CMSS1: variants seen among roughly 807,000 people sequenced by gnomAD.
The protein encoded by CMSS1 is protein CMSS1.
CMSS1 carries 33 observed loss-of-function variants against 43.5 expected under a neutral mutation model. The observed-to-expected ratio is 0.76, with a 90% CI of 0.57 to 1.01. The LOEUF (loss-of-function observed/expected upper bound fraction) is 1.01. Ranked by LOEUF, CMSS1 falls within the 50% of genes least tolerant of loss-of-function variation. The pLI is 0.00. For missense variants in CMSS1, 313 were observed against 326.4 expected (o/e 0.96, Z 0.32); for synonymous variants, 115 against 117.2 (o/e 0.98, Z 0.12).
At chr3:100,005,897 C>G (rs576210287) in intron 1 of CMSS1, among the ~76,000 whole-genome samples, 29 of 152,146 alleles carry the variant, frequency 1.9e-4, no homozygotes, top group Admixed American at 1.0e-3. Flanking sequence ...TGCTTGCTAC[C>G]CACCATCTCT....
At chr3:100,111,066 C>T (rs913037832) in intron 1 of CMSS1, among the ~76,000 whole-genome samples, 6 of 152,026 alleles carry the variant, frequency 3.9e-5, no homozygotes, top group African/African-American at 1.2e-4. Context: ...CAGCCCAGTT[C>T]GCCATATTCT....
chr3:99,988,339 TCCAAA>T (rs1300195757), intron 1 of CMSS1, among the ~76,000 whole-genome samples: 2 of 28,350 alleles, frequency 7.1e-5, no homozygotes, highest in South Asian at 9.1e-4. Context: ...CTACTAAAAA[TCCAAA>T]AAAAAAAAAA....
chr3:99,984,525 C>T (rs1432000545), intron 1 of CMSS1, among the ~76,000 whole-genome samples: 2 of 152,124 alleles, frequency 1.3e-5, no homozygotes, highest in East Asian at 3.9e-4. Flanking sequence ...GGTCAGTGGT[C>T]CTCTAGCCCC....
At chr3:100,044,490 C>G (rs1036193570) in intron 1 of CMSS1, among the ~76,000 whole-genome samples, 1 of 152,082 alleles carries the variant, frequency 6.6e-6, no homozygotes, top group Non-Finnish European at 1.5e-5. Context: ...GGCTAAAGGA[C>G]AGCTTGCTCC....
chr3:99,951,065 G>T (rs1708162804), intron 1 of CMSS1, among the ~76,000 whole-genome samples: 1 of 152,158 alleles, frequency 6.6e-6, no homozygotes, highest in Admixed American at 6.5e-5. Context: ...CACCTAACGT[G>T]CTGGCCTTGA....
intron 1 of CMSS1, among the ~76,000 whole-genome samples, chr3:99,838,288 A>G (rs1182007072): frequency 6.6e-6 from 1 of 152,176 alleles, no homozygotes; most frequent in Non-Finnish European, 1.5e-5. Context: ...GGCTTCTCAC[A>G]TTCATTATCT....
intron 1 of CMSS1, among the ~76,000 whole-genome samples, chr3:100,080,464 A>G (rs888863187): frequency 2.0e-5 from 3 of 152,154 alleles, no homozygotes; most frequent in Admixed American, 1.3e-4. Context: ...ACCCTAGACA[A>G]TTTCAATTTT....
chr3:100,099,309 G>A (rs1015720159), intron 1 of CMSS1, among the ~76,000 whole-genome samples: 4 of 152,128 alleles, frequency 2.6e-5, no homozygotes, highest in African/African-American at 9.7e-5. Flanking sequence ...TCTCATTTCA[G>A]TACACCCTTT....
Position 100,167,799 on chromosome 3 carries a change from G to T in CMSS1, c.477G>T (p.Leu159=). 1 of 1,613,268 alleles carries T rather than the reference G, an allele frequency of 6.2e-7. No individual in the cohort carries two copies. Among genetic ancestry groups the T allele is most frequent in the South Asian group, 1.1e-5 (1 of 90,934 alleles). Residue 159 remains leucine, a synonymous_variant, in exon 6 of 10, where the codon CTG becomes CTT. Coordinates refer to ENST00000421999, the MANE Select transcript of CMSS1 (RefSeq NM_032359.4). ...GTGAGAAGAAATCGGTCCTGATGCT[G>T]ATCATCTGCAGCTCGGCCGTCCGAG... ...NHSEKKSVLM[L]IICSSAVRAL... is the part of the protein sequence containing the mutation.
At chr3:100,104,973 A>T (rs1254077503) in intron 1 of CMSS1, among the ~76,000 whole-genome samples, 4 of 152,130 alleles carry the variant, frequency 2.6e-5, no homozygotes, top group Non-Finnish European at 5.9e-5. Context: ...TCTTTCTGTA[A>T]AAGTATCTGC....
At chr3:100,111,660 T>G in intron 1 of CMSS1, among the ~76,000 whole-genome samples, 1 of 152,164 alleles carries the variant, frequency 6.6e-6, no homozygotes. Context: ...TACTGTCAGA[T>G]TTGAACCCTA....
At chr3:99,819,741 CAACA>C (rs1019066913) in intron 1 of CMSS1, among the ~76,000 whole-genome samples, 7 of 151,388 alleles carry the variant, frequency 4.6e-5, no homozygotes, top group African/African-American at 1.7e-4. Context: ...TTTTACCAAC[CAACA>C]GTTTTTTTTT....
At position 100,003,289 on chromosome 3, in the gene CMSS1, C is replaced by T. The variant is rs543478625; in HGVS notation, c.65-143684C>T. Among the ~76,000 whole-genome samples, 7 of 152,234 alleles carry T rather than the reference C, an allele frequency of 4.6e-5. No homozygotes were observed. In the East Asian group the frequency reaches 1.3e-3, roughly 29 times the overall value. ...AAGTTACACATTGACTCAGTCAAAC[C>T]AGCTTGATTTCTGTCTCAGTGTAGT... On this transcript the variant is annotated intron_variant, in intron 1 of 9. Coordinates refer to ENST00000421999, the MANE Select transcript of CMSS1 (RefSeq NM_032359.4).
At chr3:100,008,519 T>C (rs1710053170) in intron 1 of CMSS1, among the ~76,000 whole-genome samples, 1 of 152,214 alleles carries the variant, frequency 6.6e-6, no homozygotes, top group Non-Finnish European at 1.5e-5. Flanking sequence ...GAGGAAGTGC[T>C]GGTGATGTCA....
intron 1 of CMSS1, among the ~76,000 whole-genome samples, chr3:100,101,293 T>G (rs1321509093): frequency 6.6e-6 from 1 of 152,142 alleles, no homozygotes; most frequent in Non-Finnish European, 1.5e-5. Context: ...CCACTGCCTA[T>G]GAGGAGAGGG....
At chr3:100,075,072 A>G (rs193027822) in intron 1 of CMSS1, among the ~76,000 whole-genome samples, 26 of 151,776 alleles carry the variant, frequency 1.7e-4, no homozygotes, top group African/African-American at 5.3e-4. Flanking sequence ...TTTTTTTAGG[A>G]TATATTTTAT....
At chr3:100,153,368 G>A (rs898128863) in intron 2 of CMSS1, among the ~76,000 whole-genome samples, 2 of 152,214 alleles carry the variant, frequency 1.3e-5, no homozygotes, top group Non-Finnish European at 2.9e-5. Flanking sequence ...CCATGTCAGT[G>A]TATAGTATTT....
chr3:100,107,877 T>TA (rs11322494), intron 1 of CMSS1, among the ~76,000 whole-genome samples: 5,107 of 130,022 alleles, frequency 0.039, 128 homozygotes, highest in East Asian at 0.14. Flanking sequence ...GCAAGAGAAT[T>TA]AAAAAAAAAA....
intron 2 of CMSS1, among the ~76,000 whole-genome samples, chr3:100,149,128 T>C (rs1390465865): frequency 6.6e-6 from 1 of 152,232 alleles, no homozygotes; most frequent in African/African-American, 2.4e-5. Context: ...CTTGATTTTC[T>C]TCTTGTTTGT....
Sources: allele counts gnomAD v4.1 joint callset (sites outside exome capture counted in the v4.1 genomes callset), GRCh38; gene constraint gnomAD v4.1.1; transcripts MANE v1.5; gene names NCBI Gene and HGNC (gene_info 2026-07-23, HGNC 2026-07-21).